The following PDSS2 variants were observed in gnomAD, a reference collection of about 807,000 sequenced individuals.
PDSS2 encodes decaprenyl diphosphate synthase subunit 2, also known as all trans-polyprenyl-diphosphate synthase PDSS2.
In PDSS2, 31 loss-of-function variants were observed where a neutral mutation model predicts 44.5. That is an observed-to-expected ratio of 0.70 (90% CI 0.52 to 0.94). The LOEUF (loss-of-function observed/expected upper bound fraction) is 0.94. Among genes scored for constraint, PDSS2 ranks in the 40% least tolerant of loss-of-function variants. The pLI, the probability that PDSS2 is intolerant of heterozygous loss-of-function variation, is 0.00. For missense variants in PDSS2, 452 were observed against 482.2 expected (o/e 0.94, Z 0.59); for synonymous variants, 157 against 180.3 (o/e 0.87, Z 1.03).
At chr6:107,298,898 T>C (rs762430560) in intron 2 of PDSS2, among the ~76,000 whole-genome samples, 11 of 151,850 alleles carry the variant, frequency 7.2e-5, no homozygotes, top group Non-Finnish European at 1.3e-4. Context: ...TCCTAGCACT[T>C]TGGGAGGCTG....
At chr6:107,188,051 C>T (rs1254035038) in intron 7 of PDSS2, among the ~76,000 whole-genome samples, 1 of 152,140 alleles carries the variant, frequency 6.6e-6, no homozygotes, top group African/African-American at 2.4e-5. Flanking sequence ...TGATGGTTGT[C>T]TTGGCACTAG....
rs1439812821 is a variant in PDSS2, at chr6:107,192,930, C to T, written c.1041+892G>A. Among the ~76,000 whole-genome samples, 4 of 152,140 alleles carry T rather than the reference C, an allele frequency of 2.6e-5. No homozygotes were observed. The South Asian group carries it at 6.2e-4, about 24-fold the overall frequency. On this transcript the variant is annotated intron_variant, in intron 7 of 7. Transcript: ENST00000369037. ...GCCCTTGAGGGTTTTGGTTGTCCCA[C>T]GGCAAGCAGAGCCCTTCTGGGTCAT... is the stretch of plus-strand genomic sequence containing the variant.
At chr6:107,336,797 T>C (rs1777906521) in intron 1 of PDSS2, among the ~76,000 whole-genome samples, 1 of 150,742 alleles carries the variant, frequency 6.6e-6, no homozygotes, top group Non-Finnish European at 1.5e-5. Context: ...CTTTCAATTC[T>C]AGAAAAGGAA....
chr6:107,274,332 C>A lies in PDSS2; in HGVS notation c.432-105G>T, dbSNP rs537614207. 1.3e-5 allele frequency: 9 copies of A among 713,098 alleles called. No homozygotes were observed. The South Asian group carries it at 1.5e-4, about 12-fold the overall frequency. The allele number at this position is 713,098 out of a possible 1,614,324, so 44.2% of individuals were successfully genotyped here. A position where few individuals can be genotyped will look rare whatever the true frequency, so the allele number is the denominator to read the frequency against. ...AAAATATTCCATAGGTTGCCCCCCA[C>A]TTTTTTTTTTGGATTATATCTTTCT... On this transcript the variant is annotated intron_variant, in intron 2 of 7. Transcript: ENST00000369037.
chr6:107,388,924 T>C (rs1179793771), intron 1 of PDSS2, among the ~76,000 whole-genome samples: 1 of 152,200 alleles, frequency 6.6e-6, no homozygotes, highest in Non-Finnish European at 1.5e-5. Context: ...GATGGATAAA[T>C]CTTAAATGCA....
intron 2 of PDSS2, among the ~76,000 whole-genome samples, chr6:107,293,510 G>C (rs1320206960): frequency 6.6e-6 from 1 of 152,128 alleles, no homozygotes; most frequent in Non-Finnish European, 1.5e-5. Flanking sequence ...CCGCGGTACG[G>C]GAGTTCAGTT....
At chr6:107,446,382 G>A (rs319083) in intron 1 of PDSS2, among the ~76,000 whole-genome samples, 1 of 152,022 alleles carries the variant, frequency 6.6e-6, no homozygotes. Context: ...CAGAGTCCCA[G>A]GTACCCTTCA....
intron 1 of PDSS2, among the ~76,000 whole-genome samples, chr6:107,342,813 C>T (rs1288283515): frequency 6.6e-6 from 1 of 152,078 alleles, no homozygotes; most frequent in Non-Finnish European, 1.5e-5. Flanking sequence ...AATTTATAAT[C>T]AAATATTAAG....
chr6:107,202,489 C>T (rs969609367), intron 6 of PDSS2, among the ~76,000 whole-genome samples: 2 of 152,116 alleles, frequency 1.3e-5, no homozygotes, highest in African/African-American at 2.4e-5. Flanking sequence ...TCTGCTAGCC[C>T]GGAAGTTAGA....
At chr6:107,439,147 G>T (rs1223990953) in intron 1 of PDSS2, among the ~76,000 whole-genome samples, 3 of 152,212 alleles carry the variant, frequency 2.0e-5, no homozygotes, top group Admixed American at 2.0e-4. Flanking sequence ...CCTGTACAGA[G>T]AATTGAAAAG....
chr6:107,259,560 C>T (rs1460362387), intron 3 of PDSS2, among the ~76,000 whole-genome samples: 3 of 151,726 alleles, frequency 2.0e-5, no homozygotes, highest in East Asian at 1.9e-4. Flanking sequence ...TTGTAATCCC[C>T]GCTACTTGGG....
At chr6:107,398,054 CA>C (rs1780001821) in intron 1 of PDSS2, among the ~76,000 whole-genome samples, 2 of 152,162 alleles carry the variant, frequency 1.3e-5, no homozygotes, top group Admixed American at 1.3e-4. Context: ...GACATGGTTT[CA>C]GATTCCACTC....
chr6:107,158,104 G>C (rs1770974405), intron 7 of PDSS2, among the ~76,000 whole-genome samples: 1 of 151,648 alleles, frequency 6.6e-6, no homozygotes, highest in Non-Finnish European at 1.5e-5. Flanking sequence ...ACAGTCAAGA[G>C]AACAGAGGTC....
intron 1 of PDSS2, among the ~76,000 whole-genome samples, chr6:107,440,182 G>A (rs1000433140): frequency 1.3e-5 from 2 of 152,152 alleles, no homozygotes; most frequent in Admixed American, 6.5e-5. Context: ...TTTCATCCTA[G>A]AGAGGTTAGT....
chr6:107,382,059 T>G (rs1779470406), intron 1 of PDSS2, among the ~76,000 whole-genome samples: 1 of 152,208 alleles, frequency 6.6e-6, no homozygotes, highest in Non-Finnish European at 1.5e-5. Context: ...ACACCCAGAT[T>G]ATGTTTCACA....
rs142903420 is a variant in PDSS2 at position 107,220,267 on chromosome 6, G to T, written c.703-7985C>A. On this transcript the variant is annotated intron_variant, in intron 4 of 7. Coordinates refer to ENST00000369037, the MANE Select transcript of PDSS2 (RefSeq NM_020381.4). ...GCTGTTAAGAAAGAAAAAAGCTAAT[G>T]AGCATAATATTTTACATTTATTGGT... Among the ~76,000 whole-genome samples the T allele has an allele frequency of 3.6e-3, 549 of 152,128 alleles. 1 individual carries two copies. The highest frequency in any genetic ancestry group is 9.3e-3 in the Admixed American group (142 of 15,266).
intron 3 of PDSS2, 115 bp downstream of exon 3, chr6:107,273,914 T>A (rs1433793190): frequency 1.1e-5 from 9 of 782,968 alleles, no homozygotes; most frequent in Non-Finnish European, 2.1e-5. Context: ...TACTGTTTAC[T>A]GAGCATGTAC....
chr6:107,245,590 C>T lies in PDSS2; in HGVS notation c.660G>A (p.Met220Ile). 1 of 1,593,432 alleles carries T rather than the reference C, an allele frequency of 6.3e-7. No individual in the cohort carries two copies. The highest frequency in any genetic ancestry group is 1.1e-5 in the South Asian group (1 of 87,402). The part of the protein sequence containing the change: ...KVVELLASAL[M>I]DLVQGVYHEN... ...CATGATATACTCCTTGTACCAAGTC[C>T]ATAAGAGCACTTGCTAAAAGTTCCA... Residue 220 changes from methionine (M) to isoleucine (I), a missense_variant, in exon 4 of 8, where the codon ATG becomes ATA. Coordinates refer to ENST00000369037, the MANE Select transcript of PDSS2 (RefSeq NM_020381.4).
intron 1 of PDSS2, among the ~76,000 whole-genome samples, chr6:107,436,994 G>A (rs192603826): frequency 6.3e-4 from 96 of 152,044 alleles, no homozygotes; most frequent in Non-Finnish European, 7.8e-4. Context: ...CCTCAGTGTG[G>A]GTTTTTTTTT....
Sources: allele counts gnomAD v4.1 joint callset (sites outside exome capture counted in the v4.1 genomes callset), GRCh38; gene constraint gnomAD v4.1.1; transcripts MANE v1.5; gene names NCBI Gene and HGNC (gene_info 2026-07-23, HGNC 2026-07-21).